The following RTN1 variants were observed in gnomAD, a reference collection of about 807,000 sequenced individuals.
RTN1 encodes the protein reticulon 1.
Under a neutral mutation model 65.5 loss-of-function variants are expected in RTN1, and 25 were observed. The observed-to-expected ratio is 0.38, with a 90% CI of 0.28 to 0.53. The LOEUF is 0.53. Among genes scored for constraint, RTN1 ranks in the 20% least tolerant of loss-of-function variants. RTN1 has a pLI of 0.79. For synonymous variants in RTN1, 471 were observed against 447.6 expected (o/e 1.05, Z -0.66); for missense variants, 983 against 1,025.4 (o/e 0.96, Z 0.57).
chr14:59,818,866 T>C (rs764108146), intron 1 of RTN1, among the ~76,000 whole-genome samples: 4 of 152,186 alleles, frequency 2.6e-5, no homozygotes, highest in Non-Finnish European at 5.9e-5. Flanking sequence ...TTCTGACTAG[T>C]GTGAGATTGT....
intron 3 of RTN1, chr14:59,630,529 C>T (rs1215406763): frequency 7.4e-6 from 12 of 1,612,980 alleles, no homozygotes; most frequent in Non-Finnish European, 1.0e-5. Flanking sequence ...GGGGGCTCGC[C>T]GTGGCTCTCC....
At chr14:59,800,635 C>T (rs1369682115) in intron 1 of RTN1, among the ~76,000 whole-genome samples, 2 of 152,020 alleles carry the variant, frequency 1.3e-5, no homozygotes, top group Admixed American at 6.6e-5. Flanking sequence ...TTCCTGACCT[C>T]GTGATCTGCC....
intron 3 of RTN1, among the ~76,000 whole-genome samples, chr14:59,720,450 A>C (rs1369924377): frequency 6.6e-6 from 1 of 152,162 alleles, no homozygotes; most frequent in Non-Finnish European, 1.5e-5. Context: ...GGCTGGTTGC[A>C]GTGGCTCACG....
intron 3 of RTN1, among the ~76,000 whole-genome samples, chr14:59,693,697 C>T (rs1884006370): frequency 6.6e-6 from 1 of 152,168 alleles, no homozygotes; most frequent in South Asian, 2.1e-4. Flanking sequence ...TTTGTTCCTT[C>T]CTGGTTTTTA....
intron 3 of RTN1, among the ~76,000 whole-genome samples, chr14:59,726,400 C>G (rs1884760664): frequency 6.6e-6 from 1 of 152,134 alleles, no homozygotes; most frequent in Non-Finnish European, 1.5e-5. Flanking sequence ...ACATAAAAAC[C>G]TTACCAAGGC....
intron 1 of RTN1, among the ~76,000 whole-genome samples, chr14:59,749,512 TATC>T (rs1885360902): frequency 2.6e-5 from 1 of 38,384 alleles, no homozygotes; most frequent in African/African-American, 1.7e-4. Context: ...TATATATAGA[TATC>T]TATATATTTA....
chr14:59,617,119 CA>C (rs1192315345), intron 3 of RTN1, among the ~76,000 whole-genome samples: 2 of 152,000 alleles, frequency 1.3e-5, no homozygotes, highest in Non-Finnish European at 2.9e-5. Flanking sequence ...GTTATTTTAC[CA>C]AGGCTTTAAG....
At chr14:59,741,330 G>C (rs764943912) in intron 2 of RTN1, among the ~76,000 whole-genome samples, 7 of 152,074 alleles carry the variant, frequency 4.6e-5, no homozygotes, top group Non-Finnish European at 8.8e-5. Context: ...CTGTTACCTC[G>C]AAGAAGCCTC....
intron 3 of RTN1, among the ~76,000 whole-genome samples, chr14:59,673,951 T>C (rs1883565830): frequency 6.6e-6 from 1 of 152,228 alleles, no homozygotes; most frequent in African/African-American, 2.4e-5. Context: ...CTTATTCATA[T>C]ATCCCTAGTT....
chr14:59,755,176 GA>G (rs897247329), intron 1 of RTN1, among the ~76,000 whole-genome samples: 2 of 151,382 alleles, frequency 1.3e-5, no homozygotes, highest in East Asian at 1.9e-4. Flanking sequence ...ATGCCAGAAA[GA>G]AAAAAAACAA....
chr14:59,750,403 AT>A lies in RTN1; in HGVS notation c.242-3923del, dbSNP rs1566713809. The stretch of plus-strand genomic sequence containing the variant: ...ATTATATATTATATCTATAATATAT[AT>A]ATTATATGTATAATATATAATATAT... On this transcript the variant is annotated intron_variant, in intron 1 of 8. Transcript: ENST00000267484. 1.4e-3 allele frequency among the ~76,000 whole-genome samples: 80 copies of A among 57,866 alleles called. 1 individual carries two copies. The highest frequency in any genetic ancestry group is 2.0e-3 in the Non-Finnish European group (70 of 35,624). The allele number at this position is 57,866 out of a possible 152,430, so 38.0% of individuals were successfully genotyped here.
rs189612548 is a variant in RTN1, at chr14:59,638,302, G to C, written c.1766-30810C>G. Among the ~76,000 whole-genome samples, 262 of 152,306 alleles carry C rather than the reference G, an allele frequency of 1.7e-3. 2 individuals are homozygous for C. Among genetic ancestry groups the C allele is most frequent in the African/African-American group, 6.1e-3 (254 of 41,564 alleles). ...TTAGGTGACCAGGTTCATGGTCAAT[G>C]AGCAGTAATATTTTGAAAGGAATAT... On this transcript the variant is annotated intron_variant, in intron 3 of 8. Transcript: ENST00000267484.
intron 3 of RTN1, among the ~76,000 whole-genome samples, chr14:59,707,269 T>A (rs1884315371): frequency 1.3e-5 from 2 of 152,202 alleles, no homozygotes; most frequent in South Asian, 2.1e-4. Context: ...AGGCACAGGG[T>A]TAGAGGGCAC....
intron 8 of RTN1, among the ~76,000 whole-genome samples, chr14:59,601,952 C>G (rs12880697): frequency 6.6e-6 from 1 of 151,892 alleles, no homozygotes; most frequent in Admixed American, 6.6e-5. Context: ...ATTGGTTACA[C>G]CTGGGTCCAA....
At chr14:59,745,329 T>C (rs1468246527) in intron 2 of RTN1, among the ~76,000 whole-genome samples, 3 of 152,128 alleles carry the variant, frequency 2.0e-5, no homozygotes, top group African/African-American at 7.2e-5. Context: ...CAAAACAGAC[T>C]AAGACAACCC....
intron 5 of RTN1, 115 bp from the exon 6 acceptor site, chr14:59,604,036 T>TA (rs1881666033): frequency 4.3e-6 from 3 of 704,440 alleles, no homozygotes; most frequent in Non-Finnish European, 7.3e-6. Flanking sequence ...ATGATTTCGA[T>TA]AGTCAATGAA....
rs902723034 is a variant in RTN1, at chr14:59,797,434, A to G, written c.242-50953T>C. On this transcript the variant is annotated intron_variant, in intron 1 of 8. Transcript: ENST00000267484. Reference sequence around the variant, plus strand: ...TCTGATTCTGAAAAGGCACTGCAATATCTAGCAGTCTTCTGTCCTGTAAAG... The same window carrying G: ...TCTGATTCTGAAAAGGCACTGCAATGTCTAGCAGTCTTCTGTCCTGTAAAG... 4.6e-5 allele frequency among the ~76,000 whole-genome samples: 7 copies of G among 152,190 alleles called. No homozygotes were observed. In the East Asian group the frequency reaches 7.7e-4, roughly 17 times the overall value.
At chr14:59,693,089 A>G (rs1883994032) in intron 3 of RTN1, among the ~76,000 whole-genome samples, 1 of 152,140 alleles carries the variant, frequency 6.6e-6, no homozygotes, top group South Asian at 2.1e-4. Flanking sequence ...TCCCCTTATA[A>G]AAGACACATG....
At chr14:59,717,153 T>A (rs1382783504) in intron 3 of RTN1, among the ~76,000 whole-genome samples, 1 of 152,132 alleles carries the variant, frequency 6.6e-6, no homozygotes, top group East Asian at 1.9e-4. Flanking sequence ...CCTAGAGATG[T>A]TAGGGAGAGG....
Sources: allele counts gnomAD v4.1 joint callset (sites outside exome capture counted in the v4.1 genomes callset), GRCh38; gene constraint gnomAD v4.1.1; transcripts MANE v1.5; gene names NCBI Gene and HGNC (gene_info 2026-07-23, HGNC 2026-07-21).